Variants in CSMD1 observed in about 807,000 individuals in gnomAD.
CSMD1 encodes CUB and Sushi multiple domains 1, also known as CUB and sushi domain-containing protein 1.
Under a neutral mutation model 417.5 loss-of-function variants are expected in CSMD1, and 213 were observed. The observed-to-expected ratio is 0.51, with a 90% CI of 0.46 to 0.57. The LOEUF is 0.57. Ranked by LOEUF, CSMD1 falls within the 20% of genes least tolerant of loss-of-function variation. The pLI, the probability that CSMD1 is intolerant of heterozygous loss-of-function variation, is 0.00. For synonymous variants in CSMD1, 2,862 were observed against 1,736.8 expected (o/e 1.65, Z -16.11); for missense variants, 6,923 against 4,529.7 (o/e 1.53, Z -15.17).
At chr8:3,732,821 G>A (rs374252669) in intron 6 of CSMD1, among the ~76,000 whole-genome samples, 1 of 152,058 alleles carries the variant, frequency 6.6e-6, no homozygotes, top group Admixed American at 6.5e-5. Flanking sequence ...CTCATCTCAG[G>A]TATTTATCGA....
chr8:4,195,782 A>G (rs117385976), intron 3 of CSMD1, among the ~76,000 whole-genome samples: 6,665 of 152,214 alleles, frequency 0.044, 228 homozygotes, highest in Middle Eastern at 0.1. Context: ...TCTGCACACA[A>G]CCTGAATGAG....
chr8:3,972,959 A>G (rs1002585622), intron 5 of CSMD1, among the ~76,000 whole-genome samples: 1 of 152,218 alleles, frequency 6.6e-6, no homozygotes, highest in Non-Finnish European at 1.5e-5. Context: ...AATAAAAATT[A>G]CTCACAATAC....
At chr8:4,628,758 T>A (rs1369600693) in intron 2 of CSMD1, among the ~76,000 whole-genome samples, 4 of 152,232 alleles carry the variant, frequency 2.6e-5, no homozygotes, top group East Asian at 1.9e-4. Context: ...TTAGATACCC[T>A]TGGAGGAGCT....
At chr8:4,214,957 C>T (rs1264512482) in intron 3 of CSMD1, among the ~76,000 whole-genome samples, 1 of 152,138 alleles carries the variant, frequency 6.6e-6, no homozygotes, top group Non-Finnish European at 1.5e-5. Flanking sequence ...AAGCTCACTT[C>T]ACGTGAGATA....
chr8:4,069,319 G>C (rs551118017), intron 3 of CSMD1, among the ~76,000 whole-genome samples: 76 of 152,226 alleles, frequency 5.0e-4, no homozygotes, highest in African/African-American at 1.8e-3. Flanking sequence ...AAAACTGAAA[G>C]TCAACAAAAT....
chr8:4,602,885 G>C (rs936475445), intron 2 of CSMD1, among the ~76,000 whole-genome samples: 1 of 151,542 alleles, frequency 6.6e-6, no homozygotes, highest in Non-Finnish European at 1.5e-5. Context: ...AAATAATAAC[G>C]CTATCATATA....
chr8:3,109,265 A>G (rs112263519), intron 43 of CSMD1, among the ~76,000 whole-genome samples: 1,687 of 152,346 alleles, frequency 0.011, 33 homozygotes, highest in African/African-American at 0.039. Context: ...CTCTGTCTCA[A>G]AAAGAAATAA....
intron 8 of CSMD1, among the ~76,000 whole-genome samples, chr8:3,597,646 C>G (rs569503172): frequency 6.6e-6 from 1 of 152,124 alleles, no homozygotes; most frequent in Non-Finnish European, 1.5e-5. Context: ...CCATGGAATA[C>G]TATGCAGCCA....
chr8:3,612,729 G>A (rs2469323), intron 8 of CSMD1, among the ~76,000 whole-genome samples: 14,188 of 151,866 alleles, frequency 0.093, 751 homozygotes, highest in Non-Finnish European at 0.11. Flanking sequence ...TCAAGCTGCA[G>A]GAAAATGAAA....
intron 7 of CSMD1, among the ~76,000 whole-genome samples, chr8:3,707,444 G>A (rs780070805): frequency 3.3e-5 from 5 of 152,152 alleles, no homozygotes; most frequent in East Asian, 1.9e-4. Flanking sequence ...CACATGAAAA[G>A]ATTGCCAGGG....
At chr8:3,493,578 C>T (rs772963786) in intron 11 of CSMD1, 45 bp downstream of exon 11, 13 of 1,506,944 alleles carry the variant, frequency 8.6e-6, no homozygotes, top group African/African-American at 4.1e-5. Context: ...CACCGTGCCC[C>T]GCACTGCATG....
intron 43 of CSMD1, among the ~76,000 whole-genome samples, chr8:3,109,330 T>C (rs750318): frequency 0.83 from 126,178 of 152,204 alleles, 52,500 homozygotes; most frequent in East Asian, 0.96. Context: ...ATTCTAAATA[T>C]GGAGCTTAAT....
chr8:3,853,293 C>T (rs1282633491), intron 5 of CSMD1, among the ~76,000 whole-genome samples: 1 of 152,156 alleles, frequency 6.6e-6, no homozygotes, highest in Admixed American at 6.6e-5. Context: ...GATCTTCATA[C>T]CCTGATCAAT....
chr8:4,148,267 G>A (rs550831372), intron 3 of CSMD1, among the ~76,000 whole-genome samples: 1 of 149,520 alleles, frequency 6.7e-6, no homozygotes, highest in Non-Finnish European at 1.5e-5. Flanking sequence ...CTATCACAAG[G>A]ACAAAAAACC....
chr8:4,468,321 C>T (rs971517651), intron 2 of CSMD1, among the ~76,000 whole-genome samples: 7 of 146,724 alleles, frequency 4.8e-5, no homozygotes, highest in East Asian at 3.9e-4. Context: ...ATTGACTGGG[C>T]GATAGGCCTT....
chr8:3,985,472 C>T (rs148467955), intron 5 of CSMD1, among the ~76,000 whole-genome samples: 1 of 152,260 alleles, frequency 6.6e-6, no homozygotes, highest in East Asian at 1.9e-4. Flanking sequence ...CATTTTAGAA[C>T]ATAATTGCTG....
chr8:3,470,552 G>C (rs541530925), intron 11 of CSMD1, among the ~76,000 whole-genome samples: 2 of 152,114 alleles, frequency 1.3e-5, no homozygotes, highest in Non-Finnish European at 1.5e-5. Context: ...ATTTGTGCAT[G>C]TAGCTCTGCA....
In CSMD1 at chr8:4,870,784, C is replaced by T. The variant is rs139769174; in HGVS notation, c.85+123548G>A. On this transcript the variant is annotated intron_variant, in intron 1 of 69. Transcript: ENST00000635120. ...TCAGGCTGAGCAGAACCCTGGTCCT[C>T]GGAAAATGCCACCGAGGAAGAAAGA... Among the ~76,000 whole-genome samples the T allele has an allele frequency of 1.6e-3, 238 of 152,218 alleles. 2 individuals are homozygous for T. The highest frequency in any genetic ancestry group is 5.2e-3 in the African/African-American group (216 of 41,488).
chr8:4,910,148 C>A (rs1805567441), intron 1 of CSMD1, among the ~76,000 whole-genome samples: 1 of 152,142 alleles, frequency 6.6e-6, no homozygotes, highest in South Asian at 2.1e-4. Flanking sequence ...TATAATGTTG[C>A]AGAACATATA....
Sources: allele counts gnomAD v4.1 joint callset (sites outside exome capture counted in the v4.1 genomes callset), GRCh38; gene constraint gnomAD v4.1.1; transcripts MANE v1.5; gene names NCBI Gene and HGNC (gene_info 2026-07-23, HGNC 2026-07-21).